CSMD1: variants seen among roughly 807,000 people sequenced by gnomAD.
CSMD1 encodes CUB and Sushi multiple domains 1.
Under a neutral mutation model 417.5 loss-of-function variants are expected in CSMD1, and 213 were observed. The observed-to-expected ratio is 0.51, with a 90% CI of 0.46 to 0.57. The LOEUF (loss-of-function observed/expected upper bound fraction) is 0.57. Ranked by LOEUF, CSMD1 falls within the 20% of genes least tolerant of loss-of-function variation. The pLI is 0.00. For synonymous variants in CSMD1, 2,862 were observed against 1,736.8 expected, an observed-to-expected ratio of 1.65 and a Z score of -16.11; for missense variants, 6,923 against 4,529.7, an observed-to-expected ratio of 1.53 and a Z score of -15.17.
intron 2 of CSMD1, among the ~76,000 whole-genome samples, chr8:4,555,171 C>A (rs776766787): frequency 6.6e-6 from 1 of 152,168 alleles, no homozygotes; most frequent in Admixed American, 6.6e-5. Flanking sequence ...AAAGATCATT[C>A]TGACTTCAGA....
At chr8:3,835,546 C>G (rs1457797407) in intron 5 of CSMD1, among the ~76,000 whole-genome samples, 1 of 151,958 alleles carries the variant, frequency 6.6e-6, no homozygotes, top group Non-Finnish European at 1.5e-5. Flanking sequence ...GGAAAGGGAA[C>G]ATCGCACCTC....
intron 5 of CSMD1, among the ~76,000 whole-genome samples, chr8:3,887,641 C>G (rs2627350): frequency 0.13 from 19,251 of 152,222 alleles, 2,830 homozygotes; most frequent in African/African-American, 0.36. Context: ...GTTGAGAACA[C>G]TGTTCCACAC....
At chr8:4,445,654 T>C (rs1041138096) in intron 2 of CSMD1, among the ~76,000 whole-genome samples, 3 of 152,180 alleles carry the variant, frequency 2.0e-5, no homozygotes, top group African/African-American at 7.2e-5. Context: ...AGTAAGGTTA[T>C]TGAAGCCACT....
intron 37 of CSMD1, among the ~76,000 whole-genome samples, chr8:3,163,490 A>T (rs1820020781): frequency 6.6e-6 from 1 of 151,512 alleles, no homozygotes; most frequent in Non-Finnish European, 1.5e-5. Context: ...CACAGAGAGG[A>T]CGCAGCTGCC....
chr8:3,691,127 G>C (rs186174924), intron 7 of CSMD1, among the ~76,000 whole-genome samples: 25 of 152,236 alleles, frequency 1.6e-4, no homozygotes, highest in Admixed American at 1.4e-3. Context: ...AGCACTTTGG[G>C]AGGCCGGGGC....
chr8:3,448,163 G>A (rs937771982), intron 12 of CSMD1, among the ~76,000 whole-genome samples: 1 of 150,678 alleles, frequency 6.6e-6, no homozygotes, highest in East Asian at 2.0e-4. Flanking sequence ...GCCTGAATTG[G>A]GGGAGTAGAT....
intron 4 of CSMD1, among the ~76,000 whole-genome samples, chr8:4,005,839 G>A (rs1468380237): frequency 2.6e-5 from 4 of 152,166 alleles, no homozygotes; most frequent in Non-Finnish European, 5.9e-5. Flanking sequence ...GCTAGCATAA[G>A]CACTGTCTTT....
At chr8:4,642,172 C>T (rs1021276547) in intron 1 of CSMD1, among the ~76,000 whole-genome samples, 2 of 152,208 alleles carry the variant, frequency 1.3e-5, no homozygotes, top group African/African-American at 2.4e-5. Context: ...TATAGGACTA[C>T]TTGTTCGGGG....
intron 1 of CSMD1, among the ~76,000 whole-genome samples, chr8:4,883,535 A>G (rs1207128470): frequency 6.6e-6 from 1 of 152,126 alleles, no homozygotes; most frequent in Non-Finnish European, 1.5e-5. Flanking sequence ...TATTTTCCAA[A>G]TCTAGACATT....
intron 11 of CSMD1, among the ~76,000 whole-genome samples, chr8:3,492,599 C>T (rs1159585779): frequency 6.6e-6 from 1 of 152,188 alleles, no homozygotes; most frequent in African/African-American, 2.4e-5. Flanking sequence ...AAATCATTTT[C>T]CTAATTTTCA....
chr8:4,760,447 T>G (rs1811966067), intron 1 of CSMD1, among the ~76,000 whole-genome samples: 1 of 152,186 alleles, frequency 6.6e-6, no homozygotes. Context: ...TGGCATTTCC[T>G]AAATGCCTAA....
At chr8:4,781,121 G>A (rs1585088170) in intron 1 of CSMD1, among the ~76,000 whole-genome samples, 1 of 152,004 alleles carries the variant, frequency 6.6e-6, no homozygotes. Context: ...CTTTTCTTTC[G>A]AGTGCAGGTG....
intron 3 of CSMD1, among the ~76,000 whole-genome samples, chr8:4,102,806 T>A (rs1801373538): frequency 6.6e-6 from 1 of 152,206 alleles, no homozygotes; most frequent in Non-Finnish European, 1.5e-5. Context: ...CTTCAGCAGT[T>A]GTGTGCAGCC....
chr8:3,793,403 C>T (rs978261685), intron 5 of CSMD1, among the ~76,000 whole-genome samples: 1 of 152,108 alleles, frequency 6.6e-6, no homozygotes, highest in Non-Finnish European at 1.5e-5. Flanking sequence ...TTTTTCCTTG[C>T]CTACTTTCAA....
chr8:3,215,903 G>A (rs1393726293), intron 29 of CSMD1, among the ~76,000 whole-genome samples: 1 of 151,382 alleles, frequency 6.6e-6, no homozygotes, highest in East Asian at 1.9e-4. Context: ...AATAATCCAT[G>A]TGTAATCATC....
At chr8:4,411,994 G>GTA (rs1554467006) in intron 3 of CSMD1, among the ~76,000 whole-genome samples, 2 of 142,040 alleles carry the variant, frequency 1.4e-5, no homozygotes, top group African/African-American at 2.9e-5. Context: ...CTAAGGGTGT[G>GTA]TGTGTGTGTG....
At chr8:3,964,149 G>T (rs1005417102) in intron 5 of CSMD1, among the ~76,000 whole-genome samples, 1 of 152,278 alleles carries the variant, frequency 6.6e-6, no homozygotes, top group African/African-American at 2.4e-5. Flanking sequence ...ACCCAAGAGG[G>T]TGAAGACCAA....
At chr8:4,731,914 C>G (rs1291328279) in intron 1 of CSMD1, among the ~76,000 whole-genome samples, 1 of 151,854 alleles carries the variant, frequency 6.6e-6, no homozygotes, top group South Asian at 2.1e-4. Context: ...CTTATAGGGC[C>G]AAAGATAAAA....
At chr8:3,947,940 T>A (rs1208907679) in intron 5 of CSMD1, among the ~76,000 whole-genome samples, 1 of 152,198 alleles carries the variant, frequency 6.6e-6, no homozygotes, top group Non-Finnish European at 1.5e-5. Flanking sequence ...GGGTGGCGTC[T>A]CATGCCTGTA....
Sources: gnomAD v4.1 joint callset for allele counts (sites outside exome capture counted in the v4.1 genomes callset) on GRCh38, gnomAD v4.1.1 for gene constraint, MANE v1.5 for transcripts, NCBI Gene and HGNC (gene_info 2026-07-23, HGNC 2026-07-21) for gene names.